PPP3CC: variants seen among roughly 807,000 people sequenced by gnomAD.
The protein encoded by PPP3CC is serine/threonine-protein phosphatase 2B catalytic subunit gamma isoform.
PPP3CC carries 35 observed loss-of-function variants against 60.3 expected under a neutral mutation model. The ratio of observed to expected loss-of-function variants is 0.58; its 90% CI spans 0.44 to 0.77. The LOEUF is 0.77. Ranked by LOEUF, PPP3CC falls within the 30% of genes least tolerant of loss-of-function variation. The pLI is 0.00. For missense variants in PPP3CC, 570 were observed against 628.9 expected (o/e 0.91, Z 1.00); for synonymous variants, 206 against 224.3 (o/e 0.92, Z 0.73).
chr8:22,487,616 C>G (rs925568941), intron 3 of PPP3CC, among the ~76,000 whole-genome samples: 1 of 151,480 alleles, frequency 6.6e-6, no homozygotes, highest in Non-Finnish European at 1.5e-5. Context: ...CTGAGTGAGA[C>G]TCTGTCTAAA....
At chr8:22,442,760 C>G (rs1836709194) in intron 1 of PPP3CC, among the ~76,000 whole-genome samples, 1 of 152,132 alleles carries the variant, frequency 6.6e-6, no homozygotes, top group African/African-American at 2.4e-5. Context: ...TCAGAGTGTA[C>G]TTAACATAAC....
intron 3 of PPP3CC, among the ~76,000 whole-genome samples, chr8:22,487,449 C>A (rs2132490644): frequency 6.6e-6 from 1 of 152,120 alleles, no homozygotes; most frequent in Non-Finnish European, 1.5e-5. Flanking sequence ...CATGGTAAAA[C>A]CCTGTCTCTA....
chr8:22,447,028 G>T (rs1836845745), intron 1 of PPP3CC, among the ~76,000 whole-genome samples: 1 of 151,804 alleles, frequency 6.6e-6, no homozygotes. Flanking sequence ...TTTGGTGGGG[G>T]ACAGGGTCTC....
chr8:22,516,299 AC>A (rs1405885056), intron 6 of PPP3CC, among the ~76,000 whole-genome samples: 1 of 152,194 alleles, frequency 6.6e-6, no homozygotes, highest in Non-Finnish European at 1.5e-5. Flanking sequence ...AAATCATTTA[AC>A]TTTTATTTCT....
chr8:22,456,492 CT>C (rs574420987), intron 1 of PPP3CC, among the ~76,000 whole-genome samples: 37 of 152,278 alleles, frequency 2.4e-4, no homozygotes, highest in African/African-American at 7.0e-4. Context: ...CACCTCTCCC[CT>C]AACTCCCTTC....
chr8:22,507,309 C>G (rs997551898), intron 4 of PPP3CC, among the ~76,000 whole-genome samples: 1 of 152,124 alleles, frequency 6.6e-6, no homozygotes, highest in Non-Finnish European at 1.5e-5. Context: ...CAGTGTCATC[C>G]TGTGGCTGTA....
At chr8:22,498,137 C>A in intron 4 of PPP3CC, 25 bp downstream of exon 4, 1 of 1,482,962 alleles carries the variant, frequency 6.7e-7, no homozygotes, top group African/African-American at 1.4e-5. Context: ...TCCTCTAGAA[C>A]CTTTTTAGTT....
chr8:22,525,227 T>G (rs1260248964), intron 8 of PPP3CC, among the ~76,000 whole-genome samples: 1 of 152,166 alleles, frequency 6.6e-6, no homozygotes, highest in African/African-American at 2.4e-5. Flanking sequence ...ATTAGTAACT[T>G]TTATCTCAAA....
At chr8:22,455,453 A>C (rs527998403) in intron 1 of PPP3CC, among the ~76,000 whole-genome samples, 1 of 152,170 alleles carries the variant, frequency 6.6e-6, no homozygotes, top group Non-Finnish European at 1.5e-5. Flanking sequence ...AAGAGGTAAG[A>C]CTTTTGTGTT....
At chr8:22,497,436 C>T (rs1026208775) in intron 3 of PPP3CC, among the ~76,000 whole-genome samples, 13 of 151,990 alleles carry the variant, frequency 8.6e-5, no homozygotes, top group African/African-American at 2.9e-4. Flanking sequence ...TAGCTGGAAC[C>T]ATATGTGTGC....
intron 3 of PPP3CC, among the ~76,000 whole-genome samples, chr8:22,497,218 G>A (rs1265745108): frequency 2.0e-5 from 3 of 152,048 alleles, no homozygotes; most frequent in Non-Finnish European, 4.4e-5. Context: ...TAGTAGACGC[G>A]GGGTTTCTCC....
intron 1 of PPP3CC, among the ~76,000 whole-genome samples, chr8:22,458,119 C>A (rs1177929635): frequency 6.6e-6 from 1 of 151,776 alleles, no homozygotes; most frequent in Non-Finnish European, 1.5e-5. Flanking sequence ...ACAAAAAAAA[C>A]ACACAAAAAC....
chr8:22,469,203 GA>G (rs1837639292), intron 1 of PPP3CC, among the ~76,000 whole-genome samples: 2 of 152,118 alleles, frequency 1.3e-5, no homozygotes, highest in South Asian at 4.1e-4. Flanking sequence ...GGATGGAACT[GA>G]AGGTCATTAT....
intron 3 of PPP3CC, among the ~76,000 whole-genome samples, chr8:22,484,754 G>A (rs1446551450): frequency 6.6e-6 from 1 of 152,166 alleles, no homozygotes; most frequent in Non-Finnish European, 1.5e-5. Flanking sequence ...TTTCATTTTT[G>A]CAAAGGAAAG....
chr8:22,453,511 G>A (rs1837097897), intron 1 of PPP3CC, among the ~76,000 whole-genome samples: 1 of 152,114 alleles, frequency 6.6e-6, no homozygotes, highest in Non-Finnish European at 1.5e-5. Flanking sequence ...CCAGAAGTTG[G>A]CCCTGTGGAA....
At chr8:22,472,882 A>G (rs913742842) in intron 1 of PPP3CC, among the ~76,000 whole-genome samples, 3 of 152,082 alleles carry the variant, frequency 2.0e-5, no homozygotes, top group Non-Finnish European at 4.4e-5. Context: ...CCCACTCATT[A>G]GTCAATTCCT....
At chr8:22,448,381 G>T (rs867306683) in intron 1 of PPP3CC, among the ~76,000 whole-genome samples, 1,883 of 135,012 alleles carry the variant, frequency 0.014, 38 homozygotes, top group African/African-American at 0.045. Context: ...CCTTTTTTTT[G>T]TTTTTTTTTT....
At chr8:22,505,024 AT>A (rs34116717) in intron 4 of PPP3CC, among the ~76,000 whole-genome samples, 3,116 of 115,910 alleles carry the variant, frequency 0.027, 80 homozygotes, top group African/African-American at 0.09. Context: ...CCACGAACCT[AT>A]TTTTTTTTTT....
chr8:22,462,786 G>A (rs1837400719), intron 1 of PPP3CC, among the ~76,000 whole-genome samples: 1 of 152,102 alleles, frequency 6.6e-6, no homozygotes, highest in Non-Finnish European at 1.5e-5. Context: ...AGCCAGGATG[G>A]CCTCGATGTT....
Sources: allele counts gnomAD v4.1 joint callset (sites outside exome capture counted in the v4.1 genomes callset), GRCh38; gene constraint gnomAD v4.1.1; transcripts MANE v1.5; gene names NCBI Gene and HGNC (gene_info 2026-07-23, HGNC 2026-07-21).